SLC7A11: variants seen among roughly 807,000 people sequenced by gnomAD.
SLC7A11 encodes cystine/glutamate transporter.
In SLC7A11, 35 loss-of-function variants were observed where a neutral mutation model predicts 54.5. The observed-to-expected ratio is 0.64, with a 90% CI of 0.49 to 0.85. SLC7A11 has a LOEUF of 0.85. Ranked by LOEUF, SLC7A11 falls within the 40% of genes least tolerant of loss-of-function variation. The probability of loss-of-function intolerance (pLI) is 0.00; values close to 1 mark genes in which losing one functional copy is unlikely to be tolerated. For synonymous variants in SLC7A11, 230 were observed against 225.2 expected, an observed-to-expected ratio of 1.02 and a Z score of -0.19; for missense variants, 583 against 618.1, an observed-to-expected ratio of 0.94 and a Z score of 0.60.
chr4:138,194,807 A>G (rs1737092651), intron 6 of SLC7A11, among the ~76,000 whole-genome samples: 1 of 152,186 alleles, frequency 6.6e-6, no homozygotes, highest in Admixed American at 6.5e-5. Context: ...TGAGTTGACA[A>G]GGGTGTTGAA....
chr4:138,230,876 C>A (rs6849136), intron 3 of SLC7A11, among the ~76,000 whole-genome samples: 121,789 of 151,966 alleles, frequency 0.8, 50,042 homozygotes, highest in East Asian at 0.95. Flanking sequence ...CTGAGCACCA[C>A]CAACAACATG....
chr4:138,228,530 G>A (rs1339358318), intron 3 of SLC7A11, among the ~76,000 whole-genome samples: 3 of 151,826 alleles, frequency 2.0e-5, no homozygotes, highest in Non-Finnish European at 2.9e-5. Flanking sequence ...AGGCCGAGGC[G>A]GGCGGCTCAT....
chr4:138,175,947 G>A (rs1380993133), intron 11 of SLC7A11: 1 of 152,176 alleles, frequency 6.6e-6, no homozygotes, highest in Non-Finnish European at 1.5e-5. Flanking sequence ...TTTACCTAAT[G>A]AAAGAACATG....
rs1736347131 is a variant in SLC7A11, at chr4:138,169,197, A to G, written c.*2759T>C. ...TGTGCATGTATGTGTGTGTGTGCATATCGTATAAAAATATGAGAAAAATTT... is the reference window on the plus strand; with the variant it reads ...TGTGCATGTATGTGTGTGTGTGCATGTCGTATAAAAATATGAGAAAAATTT... On this transcript the variant is annotated 3_prime_UTR_variant, in exon 12 of 12. Transcript: ENST00000280612. The G allele has an allele frequency of 6.6e-6, 1 of 152,074 alleles. No individual in the cohort carries two copies. Among genetic ancestry groups the G allele is most frequent in the Admixed American group, 6.6e-5 (1 of 15,240 alleles). The allele number at this position is 152,074 out of a possible 1,614,324, so 9.4% of individuals were successfully genotyped here.
intron 6 of SLC7A11, among the ~76,000 whole-genome samples, chr4:138,206,991 A>C (rs527903034): frequency 0.029 from 3,175 of 108,842 alleles, 85 homozygotes; most frequent in African/African-American, 0.076. Context: ...TTTTCTAAAG[A>C]AAAGCAAAAA....
intron 1 of SLC7A11, among the ~76,000 whole-genome samples, chr4:138,237,708 T>TAC (rs1168936893): frequency 2.0e-4 from 1 of 5,054 alleles, no homozygotes; most frequent in Non-Finnish European, 4.1e-4. Flanking sequence ...AGAATATATA[T>TAC]ATATATATAT....
chr4:138,186,533 C>T (rs1736885043), intron 6 of SLC7A11, among the ~76,000 whole-genome samples: 1 of 152,114 alleles, frequency 6.6e-6, no homozygotes, highest in African/African-American at 2.4e-5. Context: ...AGCCTTCAGC[C>T]TTGATGAGGA....
Position 138,180,802 on chromosome 4 carries a change from A to G in SLC7A11, c.1117-12T>C. On this transcript the variant is annotated splice_polypyrimidine_tract_variant and intron_variant, in intron 9 of 11. Transcript: ENST00000280612. Reference sequence around the variant, plus strand: ...ATTGTCAAAGGGTGCTGAGGGGGGAAAGGGAAGCAAGCTTGGTGAATTCAG... The same window carrying G: ...ATTGTCAAAGGGTGCTGAGGGGGGAGAGGGAAGCAAGCTTGGTGAATTCAG... 1.2e-6 allele frequency: 2 copies of G among 1,607,190 alleles called. No homozygotes were observed. The highest frequency in any genetic ancestry group is 1.7e-6 in the Non-Finnish European group (2 of 1,176,750).
intron 3 of SLC7A11, among the ~76,000 whole-genome samples, chr4:138,224,802 G>C (rs911391495): frequency 7.7e-6 from 1 of 130,640 alleles, no homozygotes; most frequent in African/African-American, 2.8e-5. Context: ...AGGAAAAGAA[G>C]GAAGGAAGGA....
intron 6 of SLC7A11, among the ~76,000 whole-genome samples, chr4:138,186,410 C>T (rs1002424733): frequency 1.3e-5 from 2 of 152,118 alleles, no homozygotes; most frequent in African/African-American, 4.8e-5. Context: ...ACACTAAGTC[C>T]CAGCACATTA....
At position 138,164,697 on chromosome 4, in the gene SLC7A11, C is replaced by T. The variant is rs2148401809; in HGVS notation, c.*7259G>A. ...AATCCCCTCTACTAAGTTTCATGAT[C>T]ACAGTGCCAGAGTGAAGAAACTCTG... On this transcript the variant is annotated 3_prime_UTR_variant, in exon 12 of 12. Coordinates refer to ENST00000280612, the MANE Select transcript of SLC7A11 (RefSeq NM_014331.4). 1 of 152,180 alleles carries T rather than the reference C, an allele frequency of 6.6e-6. No individual in the cohort carries two copies. The highest frequency in any genetic ancestry group is 3.4e-3 in the Middle Eastern group (1 of 294). The allele number at this position is 152,180 out of a possible 1,614,324, so 9.4% of individuals were successfully genotyped here.
intron 9 of SLC7A11, among the ~76,000 whole-genome samples, chr4:138,181,575 T>G (rs979025262): frequency 4.6e-5 from 7 of 151,934 alleles, no homozygotes; most frequent in African/African-American, 1.7e-4. Flanking sequence ...TGAAACAAAT[T>G]AAATGCATGA....
intron 11 of SLC7A11, among the ~76,000 whole-genome samples, chr4:138,173,398 G>GCTGAGGTGGGTGGATCAC (rs1736486033): frequency 6.6e-6 from 1 of 152,042 alleles, no homozygotes. Flanking sequence ...ACTTTGGGAG[G>GCTGAGGTGGGTGGATCAC]CTGAGGTGGG....
chr4:138,190,682 G>A (rs1019700968), intron 6 of SLC7A11, among the ~76,000 whole-genome samples: 3 of 152,098 alleles, frequency 2.0e-5, no homozygotes, highest in African/African-American at 7.2e-5. Context: ...AAAGCTATCC[G>A]TATTTTTCAT....
intron 6 of SLC7A11, among the ~76,000 whole-genome samples, chr4:138,206,218 T>C (rs1240258597): frequency 1.3e-5 from 2 of 151,558 alleles, no homozygotes; most frequent in African/African-American, 4.8e-5. Flanking sequence ...ACACCACTTG[T>C]ATTCTCTCTC....
chr4:138,221,755 T>C (rs1029069677), intron 4 of SLC7A11, among the ~76,000 whole-genome samples: 9 of 152,114 alleles, frequency 5.9e-5, no homozygotes, highest in Admixed American at 2.6e-4. Context: ...CTGGTAAAAA[T>C]TGAATAAAGT....
intron 4 of SLC7A11, among the ~76,000 whole-genome samples, chr4:138,222,992 A>G (rs1041091266): frequency 1.3e-5 from 2 of 151,972 alleles, no homozygotes; most frequent in Non-Finnish European, 2.9e-5. Context: ...TGCATGGCCC[A>G]TTCTTAATCC....
intron 1 of SLC7A11, among the ~76,000 whole-genome samples, chr4:138,239,673 T>A (rs201031017): frequency 7.4e-6 from 1 of 136,048 alleles, no homozygotes; most frequent in Non-Finnish European, 1.5e-5. Flanking sequence ...GTTTCTCTCT[T>A]TTTATTTTTT....
At chr4:138,188,663 G>A (rs543702369) in intron 6 of SLC7A11, among the ~76,000 whole-genome samples, 3 of 152,242 alleles carry the variant, frequency 2.0e-5, no homozygotes, top group South Asian at 2.1e-4. Flanking sequence ...GACGCACAGC[G>A]CAGATAGCAT....
Sources: allele counts gnomAD v4.1 joint callset (sites outside exome capture counted in the v4.1 genomes callset), GRCh38; gene constraint gnomAD v4.1.1; transcripts MANE v1.5; gene names NCBI Gene and HGNC (gene_info 2026-07-23, HGNC 2026-07-21).